NRXN3: variants seen among roughly 807,000 people sequenced by gnomAD.
NRXN3 encodes the protein neurexin III.
Under a neutral mutation model 137.6 loss-of-function variants are expected in NRXN3, and 32 were observed. That is an observed-to-expected ratio of 0.23 (90% confidence interval 0.18 to 0.31). The LOEUF (loss-of-function observed/expected upper bound fraction) is 0.31. Among genes scored for constraint, NRXN3 ranks in the 10% least tolerant of loss-of-function variants. NRXN3 has a pLI of 1.00. For missense variants in NRXN3, 1,574 were observed against 2,062.5 expected, an observed-to-expected ratio of 0.76 and a Z score of 4.59; for synonymous variants, 798 against 784.5, an observed-to-expected ratio of 1.02 and a Z score of -0.29.
intron 4 of NRXN3, among the ~76,000 whole-genome samples, chr14:78,390,238 A>G (rs568155721): frequency 6.6e-6 from 1 of 152,262 alleles, no homozygotes; most frequent in African/African-American, 2.4e-5. Context: ...TTAAGCTCCT[A>G]ATTTGGCCCA....
At chr14:79,337,889 C>T (rs757280474) in intron 15 of NRXN3, among the ~76,000 whole-genome samples, 1 of 152,036 alleles carries the variant, frequency 6.6e-6, no homozygotes, top group African/African-American at 2.4e-5. Flanking sequence ...GCAAACTCCC[C>T]GACACTCAAA....
chr14:78,823,471 G>T (rs1207260191), intron 10 of NRXN3, among the ~76,000 whole-genome samples: 1 of 152,158 alleles, frequency 6.6e-6, no homozygotes, highest in Admixed American at 6.5e-5. Context: ...TCTACTCCAG[G>T]CAGGTCTAGC....
intron 15 of NRXN3, among the ~76,000 whole-genome samples, chr14:79,020,707 G>A (rs1485476423): frequency 6.6e-6 from 1 of 152,004 alleles, no homozygotes; most frequent in Non-Finnish European, 1.5e-5. Context: ...AAAAAACAAA[G>A]TTTGTTCTCT....
intron 19 of NRXN3, among the ~76,000 whole-genome samples, chr14:79,737,058 C>T (rs1056201472): frequency 2.0e-5 from 3 of 152,202 alleles, no homozygotes; most frequent in South Asian, 2.1e-4. Context: ...AACATCCAAG[C>T]TGCAATTTTT....
At chr14:78,432,926 T>C (rs188229925) in intron 4 of NRXN3, among the ~76,000 whole-genome samples, 195 of 152,326 alleles carry the variant, frequency 1.3e-3, no homozygotes, top group East Asian at 2.1e-3. Flanking sequence ...TTGGAGTCTG[T>C]ATTATTCTTC....
chr14:79,586,361 T>G (rs2097765329), intron 16 of NRXN3, among the ~76,000 whole-genome samples: 1 of 152,246 alleles, frequency 6.6e-6, no homozygotes, highest in African/African-American at 2.4e-5. Context: ...TCTGAAACTT[T>G]ATTCTTTTAA....
chr14:78,640,193 G>A (rs2152563371), intron 4 of NRXN3, among the ~76,000 whole-genome samples: 2 of 152,250 alleles, frequency 1.3e-5, no homozygotes, highest in Middle Eastern at 3.4e-3. Context: ...TTCTTGCCCA[G>A]TGAAGTGTAA....
intron 10 of NRXN3, among the ~76,000 whole-genome samples, chr14:78,955,681 T>G (rs2099395599): frequency 6.6e-6 from 1 of 152,142 alleles, no homozygotes; most frequent in Admixed American, 6.5e-5. Context: ...ACATTGTAAT[T>G]AAAAGAAAAT....
At chr14:79,287,809 T>G (rs1162028393) in intron 15 of NRXN3, among the ~76,000 whole-genome samples, 1 of 152,224 alleles carries the variant, frequency 6.6e-6, no homozygotes, top group African/African-American at 2.4e-5. Flanking sequence ...TTTTAACTTT[T>G]AGACATTCTG....
rs1461153372 is a variant in NRXN3, at chr14:78,484,025, C to CAG, written c.758-161094_758-161093insGA. On this transcript the variant is annotated intron_variant, in intron 4 of 20. Coordinates refer to ENST00000335750, the MANE Select transcript of NRXN3 (RefSeq NM_001330195.2). ...ACACACACACACACACACACACACA[C>CAG]ACAGAGAGAGAGAGAGAGAGAGAGC... Among the ~76,000 whole-genome samples, 800 of 113,910 alleles carry CAG rather than the reference C, an allele frequency of 7.0e-3. 6 individuals carry two copies. Among genetic ancestry groups the CAG allele is most frequent in the African/African-American group, 0.027 (766 of 28,876 alleles). The allele number at this position is 113,910 out of a possible 152,430, so 74.7% of individuals were successfully genotyped here. A position where few individuals can be genotyped will look rare whatever the true frequency, so the allele number is the denominator to read the frequency against.
intron 15 of NRXN3, among the ~76,000 whole-genome samples, chr14:79,139,832 C>T (rs2058623541): frequency 6.6e-6 from 1 of 151,684 alleles, no homozygotes; most frequent in African/African-American, 2.4e-5. Context: ...TTTAACTCCA[C>T]CTTTAAAATT....
In NRXN3 at chr14:78,388,781, T is replaced by G. The variant is rs74882616; in HGVS notation, c.757+90921T>G. 3.3e-4 allele frequency among the ~76,000 whole-genome samples: 50 copies of G among 152,206 alleles called. No homozygotes were observed. The East Asian group carries it at 8.9e-3, about 27-fold the overall frequency. On this transcript the variant is annotated intron_variant, in intron 4 of 20. Coordinates refer to ENST00000335750, the MANE Select transcript of NRXN3 (RefSeq NM_001330195.2). ...AATCTAGAAATAAACCCTACTGCAT[T>G]TTGCTGTGTTTACTTCTTAATTTTT...
intron 16 of NRXN3, among the ~76,000 whole-genome samples, chr14:79,534,296 TG>T (rs1006687238): frequency 6.6e-6 from 1 of 152,106 alleles, no homozygotes; most frequent in Non-Finnish European, 1.5e-5. Flanking sequence ...CAAAATATGG[TG>T]TTTTTGTATA....
At chr14:79,681,174 G>A (rs893343302) in intron 17 of NRXN3, among the ~76,000 whole-genome samples, 2 of 152,110 alleles carry the variant, frequency 1.3e-5, no homozygotes, top group Non-Finnish European at 2.9e-5. Context: ...TCCATCCTTG[G>A]ACCCCTAAGA....
At chr14:78,850,246 T>C (rs2099039008) in intron 10 of NRXN3, among the ~76,000 whole-genome samples, 1 of 152,066 alleles carries the variant, frequency 6.6e-6, no homozygotes, top group South Asian at 2.1e-4. Flanking sequence ...AGACTAATTT[T>C]ACAGATGCGA....
chr14:78,725,241 T>C, intron 8 of NRXN3, among the ~76,000 whole-genome samples: 1 of 152,214 alleles, frequency 6.6e-6, no homozygotes, highest in East Asian at 1.9e-4. Flanking sequence ...GGTATTTAAA[T>C]ACTGTTTTCA....
chr14:78,628,582 C>T (rs983637497), intron 4 of NRXN3, among the ~76,000 whole-genome samples: 7 of 152,184 alleles, frequency 4.6e-5, no homozygotes, highest in African/African-American at 1.7e-4. Context: ...AAGTAACACA[C>T]AGTTAACTAT....
chr14:78,923,796 GGTACT>G (rs1213529074), intron 10 of NRXN3, among the ~76,000 whole-genome samples: 3 of 152,178 alleles, frequency 2.0e-5, no homozygotes, highest in Non-Finnish European at 4.4e-5. Flanking sequence ...TTGGGAAGAA[GGTACT>G]GTTAGAGTAG....
At chr14:78,213,115 C>T (rs372069469) in intron 1 of NRXN3, among the ~76,000 whole-genome samples, 2 of 152,124 alleles carry the variant, frequency 1.3e-5, no homozygotes, top group South Asian at 2.1e-4. Context: ...TCCTTGGAAA[C>T]AAATAGTTCT....
Sources: gnomAD v4.1 joint callset for allele counts (sites outside exome capture counted in the v4.1 genomes callset) on GRCh38, gnomAD v4.1.1 for gene constraint, MANE v1.5 for transcripts, NCBI Gene and HGNC (gene_info 2026-07-23, HGNC 2026-07-21) for gene names.